Variants in CRLF3 observed in about 807,000 individuals in gnomAD.
The protein encoded by CRLF3 is cytokine receptor like factor 3, also known as cytokine receptor-like factor 3.
A neutral mutation model predicts 55.0 loss-of-function variants in CRLF3; 33 were observed. The observed-to-expected ratio is 0.60, with a 90% CI of 0.46 to 0.80. The LOEUF (loss-of-function observed/expected upper bound fraction) is 0.80. Among genes scored for constraint, CRLF3 ranks in the 30% least tolerant of loss-of-function variants. CRLF3 has a pLI of 0.00. For missense variants in CRLF3, 494 were observed against 538.4 expected, an observed-to-expected ratio of 0.92 and a Z score of 0.82; for synonymous variants, 238 against 196.8, an observed-to-expected ratio of 1.21 and a Z score of -1.75.
intron 1 of CRLF3, among the ~76,000 whole-genome samples, chr17:30,818,098 A>C (rs73271857): frequency 0.13 from 19,199 of 151,458 alleles, 1,267 homozygotes; most frequent in South Asian, 0.25. Flanking sequence ...CGTCTCTACT[A>C]AAAATACAAA....
At position 30,811,364 on chromosome 17, in the gene CRLF3, G is replaced by T. The variant is rs151070166; in HGVS notation, c.130-7256C>A. Among the ~76,000 whole-genome samples, 636 of 151,586 alleles carry T rather than the reference G, an allele frequency of 4.2e-3. 1 individual carries two copies. The highest frequency in any genetic ancestry group is 0.015 in the African/African-American group (615 of 41,308). ...CAGCTACTCGGAGGCTGAGGCAGGA[G>T]AATCATTTGAGCTCAGGAGGTGGAG... On this transcript the variant is annotated intron_variant, in intron 1 of 7. Coordinates refer to ENST00000324238, the MANE Select transcript of CRLF3 (RefSeq NM_015986.4).
intron 1 of CRLF3, among the ~76,000 whole-genome samples, chr17:30,816,299 A>G (rs1273520048): frequency 2.0e-5 from 3 of 151,100 alleles, no homozygotes; most frequent in African/African-American, 7.3e-5. Flanking sequence ...AAAAAAAAAG[A>G]CAACTTGTAA....
intron 6 of CRLF3, among the ~76,000 whole-genome samples, chr17:30,790,058 G>T (rs1035809705): frequency 2.6e-5 from 4 of 151,818 alleles, no homozygotes; most frequent in African/African-American, 7.3e-5. Flanking sequence ...TCTTCATTAA[G>T]GGGTGAGGTG....
At chr17:30,791,430 C>G (rs976149711) in intron 6 of CRLF3, among the ~76,000 whole-genome samples, 12 of 151,904 alleles carry the variant, frequency 7.9e-5, no homozygotes, top group Non-Finnish European at 1.6e-4. Flanking sequence ...TGGTCTCGAA[C>G]TCCTGACCAC....
In CRLF3 at chr17:30,824,642, C is replaced by T. The variant is rs748873102; in HGVS notation, c.10G>A (p.Ala4Thr). The T allele has an allele frequency of 1.9e-6, 3 of 1,593,154 alleles. No individual in the cohort carries two copies. The highest frequency in any genetic ancestry group is 2.3e-5 in the East Asian group (1 of 43,446). The change falls in exon 1 of 8, where the codon GCG (alanine) becomes ACG (threonine). Residue 4 changes from alanine to threonine, a missense_variant. Physicochemically the swap from Ala to Thr is moderately conservative, Grantham distance 58 (BLOSUM62 0). Coordinates refer to ENST00000324238, the MANE Select transcript of CRLF3 (RefSeq NM_015986.4). Reference sequence around the variant, plus strand: ...AGCAGCTCAGGCTCCAGCTCCATCGCCCCCCTCATCTGGCCGCGCGGCCGG... The same window carrying T: ...AGCAGCTCAGGCTCCAGCTCCATCGTCCCCCTCATCTGGCCGCGCGGCCGG... MRG[A>T]MELEPELLLQ... is the part of the protein sequence containing the mutation.
At chr17:30,822,694 T>G (rs903256237) in intron 1 of CRLF3, among the ~76,000 whole-genome samples, 3 of 152,202 alleles carry the variant, frequency 2.0e-5, no homozygotes, top group African/African-American at 7.2e-5. Context: ...ATCACGATTT[T>G]TTTTAATGCA....
intron 1 of CRLF3, among the ~76,000 whole-genome samples, chr17:30,816,363 T>A (rs986484656): frequency 6.6e-6 from 1 of 151,948 alleles, no homozygotes; most frequent in African/African-American, 2.4e-5. Context: ...TATGTGGTCT[T>A]TTGCAAACAA....
intron 6 of CRLF3, among the ~76,000 whole-genome samples, chr17:30,791,408 G>T (rs765358666): frequency 2.6e-5 from 4 of 151,698 alleles, no homozygotes; most frequent in Non-Finnish European, 2.9e-5. Context: ...GGTTTTACCA[G>T]GTTGACCAGG....
Position 30,804,030 on chromosome 17 carries a change from G to A in CRLF3, c.208C>T (p.Leu70=), listed in dbSNP as rs1002751844. ...NDLKGTLGKL[L]DERLVTLLQE... The stretch of plus-strand genomic sequence containing the variant: ...AAAAGGGTCACCAATCGCTCATCCA[G>A]GAGCTTTCCAAGGGTTCCCTTTAAA... The change falls in exon 2 of 8, where the codon CTG becomes TTG. Residue 70 remains leucine, a synonymous_variant. Coordinates refer to ENST00000324238, the MANE Select transcript of CRLF3 (RefSeq NM_015986.4). The A allele has an allele frequency of 6.2e-7, 1 of 1,613,508 alleles. No individual in the cohort carries two copies. The highest frequency in any genetic ancestry group is 8.5e-7 in the Non-Finnish European group (1 of 1,179,932).
At chr17:30,785,668 G>C (rs1884353639) in intron 7 of CRLF3, among the ~76,000 whole-genome samples, 1 of 151,760 alleles carries the variant, frequency 6.6e-6, no homozygotes, top group Non-Finnish European at 1.5e-5. Context: ...TGTAGTCCCG[G>C]CTACTCAGGA....
At chr17:30,803,675 A>T (rs1972040877) in intron 2 of CRLF3, 1 of 517,748 alleles carries the variant, frequency 1.9e-6, no homozygotes, top group Non-Finnish European at 3.5e-6. Context: ...ATCTAATGGT[A>T]TTTTAAGGGG....
intron 2 of CRLF3, among the ~76,000 whole-genome samples, chr17:30,802,283 C>T (rs993607796): frequency 2.6e-5 from 4 of 151,886 alleles, no homozygotes; most frequent in Non-Finnish European, 4.4e-5. Context: ...CTGCCACGCC[C>T]GGCTATTTTT....
chr17:30,794,949 T>C (rs1971887795), intron 4 of CRLF3, among the ~76,000 whole-genome samples: 1 of 152,222 alleles, frequency 6.6e-6, no homozygotes, highest in Admixed American at 6.6e-5. Context: ...AAGTTTGTTA[T>C]TACCTATCAG....
At chr17:30,794,126 G>A (rs983675059) in intron 4 of CRLF3, among the ~76,000 whole-genome samples, 5 of 152,078 alleles carry the variant, frequency 3.3e-5, no homozygotes, top group African/African-American at 4.8e-5. Context: ...GAGACACTGC[G>A]CCTGGGCTCC....
intron 1 of CRLF3, among the ~76,000 whole-genome samples, chr17:30,812,425 C>A (rs1027610859): frequency 2.6e-5 from 4 of 152,018 alleles, no homozygotes; most frequent in African/African-American, 9.7e-5. Context: ...ATGAAACTGG[C>A]CATATCACAA....
At chr17:30,819,078 A>G (rs554406230) in intron 1 of CRLF3, among the ~76,000 whole-genome samples, 4 of 152,242 alleles carry the variant, frequency 2.6e-5, no homozygotes, top group East Asian at 3.9e-4. Context: ...CGGCCTCCCA[A>G]AGTGCTGGGA....
intron 1 of CRLF3, among the ~76,000 whole-genome samples, chr17:30,822,058 C>T (rs1042211618): frequency 2.1e-5 from 3 of 142,290 alleles, no homozygotes; most frequent in Non-Finnish European, 3.0e-5. Flanking sequence ...GTCCGCACCC[C>T]CGCCAAAAAA....
chr17:30,808,699 TCTC>T, intron 1 of CRLF3, among the ~76,000 whole-genome samples: 1 of 151,904 alleles, frequency 6.6e-6, no homozygotes, highest in Non-Finnish European at 1.5e-5. Flanking sequence ...TTCAAGCAGT[TCTC>T]CTGCCTCAGC....
chr17:30,796,455 A>C lies in CRLF3; in HGVS notation c.426-118T>G, dbSNP rs1971920068. 7.4e-6 allele frequency: 5 copies of C among 675,662 alleles called. No homozygotes were observed. The Admixed American group carries it at 1.3e-4, about 17-fold the overall frequency. The allele number at this position is 675,662 out of a possible 1,614,324, so 41.9% of individuals were successfully genotyped here. A position where few individuals can be genotyped will look rare whatever the true frequency, so the allele number is the denominator to read the frequency against. ...CTGAAGCCCCCAGTAATTAATTCTC[A>C]TGGCAGTAGGGGATTTGCAAGATGT... is the stretch of plus-strand genomic sequence containing the variant. On this transcript the variant is annotated intron_variant, in intron 3 of 7. Transcript: ENST00000324238.
Sources: allele counts gnomAD v4.1 joint callset (sites outside exome capture counted in the v4.1 genomes callset), GRCh38; gene constraint gnomAD v4.1.1; transcripts MANE v1.5; gene names NCBI Gene and HGNC (gene_info 2026-07-23, HGNC 2026-07-21).